The following SMG7 variants were observed in gnomAD, a reference collection of about 807,000 sequenced individuals.
SMG7 encodes the protein SMG7 nonsense mediated mRNA decay factor, also known as nonsense-mediated mRNA decay factor SMG7.
Under a neutral mutation model 148.2 loss-of-function variants are expected in SMG7, and 34 were observed. The ratio of observed to expected loss-of-function variants is 0.23; its 90% CI spans 0.17 to 0.31. The LOEUF (loss-of-function observed/expected upper bound fraction) is 0.31. SMG7 is among the 10% of genes least tolerant of loss of function. The pLI is 1.00. For missense variants in SMG7, 1,114 were observed against 1,408.4 expected, an observed-to-expected ratio of 0.79 and a Z score of 3.35; for synonymous variants, 492 against 515.1, an observed-to-expected ratio of 0.96 and a Z score of 0.61.
intron 1 of SMG7, among the ~76,000 whole-genome samples, chr1:183,477,333 A>G (rs189460652): frequency 6.6e-6 from 1 of 152,142 alleles, no homozygotes; most frequent in African/African-American, 2.4e-5. Flanking sequence ...AGTGAGATCC[A>G]CTTGAAGTGG....
chr1:183,524,974 A>G (rs1040293382), intron 4 of SMG7, among the ~76,000 whole-genome samples: 1 of 152,172 alleles, frequency 6.6e-6, no homozygotes, highest in Non-Finnish European at 1.5e-5. Flanking sequence ...CTCATGAAGG[A>G]AACATATTTT....
Position 183,549,785 on chromosome 1 carries a change from A to G in SMG7, c.2995A>G (p.Met999Val). ...TCAGGAAAGATACCCAAATAATAGT[A>G]TGTTCAATGAGGTATATGGGAAAAA... ...LNQERYPNNS[M>V]FNEVYGKNLT... Residue 999 changes from methionine to valine, a missense_variant, in exon 20 of 23, where the codon ATG becomes GTG. Physicochemically the swap from Met to Val is conservative, Grantham distance 21 (BLOSUM62 1). Transcript: ENST00000688051. The G allele has an allele frequency of 6.2e-7, 1 of 1,613,738 alleles. No individual in the cohort carries two copies. The highest frequency in any genetic ancestry group is 8.5e-7 in the Non-Finnish European group (1 of 1,179,702).
chr1:183,504,173 A>G (rs767099315), intron 1 of SMG7, among the ~76,000 whole-genome samples: 12 of 152,076 alleles, frequency 7.9e-5, no homozygotes, highest in South Asian at 2.1e-4. Context: ...CACCTTACCT[A>G]GAGTTCCTTA....
At chr1:183,495,645 C>T (rs1434988299) in intron 1 of SMG7, among the ~76,000 whole-genome samples, 7 of 151,972 alleles carry the variant, frequency 4.6e-5, no homozygotes, top group Non-Finnish European at 8.8e-5. Flanking sequence ...CCGAGTCGGG[C>T]GGATCATGAG....
intron 3 of SMG7, among the ~76,000 whole-genome samples, chr1:183,516,571 G>A (rs1368463282): frequency 1.3e-5 from 2 of 152,178 alleles, no homozygotes; most frequent in African/African-American, 4.8e-5. Flanking sequence ...ATTGTCTTTT[G>A]TGGAAGGCTT....
intron 1 of SMG7, among the ~76,000 whole-genome samples, chr1:183,489,838 C>T (rs754605634): frequency 6.6e-6 from 1 of 152,160 alleles, no homozygotes; most frequent in Non-Finnish European, 1.5e-5. Flanking sequence ...AGTGACCTAT[C>T]GAAAACGTGA....
At chr1:183,516,161 A>G in intron 3 of SMG7, 170 bp downstream of exon 3, 2 of 569,586 alleles carry the variant, frequency 3.5e-6, no homozygotes, top group Non-Finnish European at 6.3e-6. Context: ...TTTCAAATAC[A>G]GTCTTTGGAG....
rs1571685846 is a variant in SMG7 at position 183,472,999 on chromosome 1, G to A, written c.29+350G>A. The A allele has an allele frequency of 2.1e-4, 68 of 326,302 alleles. No homozygotes were observed. In the East Asian group the frequency reaches 3.3e-3, roughly 16 times the overall value. 20.2% of individuals were successfully genotyped at this position (326,302 alleles called of 1,614,324 possible). A position where few individuals can be genotyped will look rare whatever the true frequency, so the allele number is the denominator to read the frequency against. Reference sequence around the variant, plus strand: ...GGCGACCCCGAGTGGAGGTGGGTGTGGAGGAGTCTGATCCCCGTGGCAGGG... The same window carrying A: ...GGCGACCCCGAGTGGAGGTGGGTGTAGAGGAGTCTGATCCCCGTGGCAGGG... On this transcript the variant is annotated intron_variant, in intron 1 of 22. Coordinates refer to ENST00000688051, the MANE Select transcript of SMG7 (RefSeq NM_001375584.1).
chr1:183,529,375 G>A (rs1328736506), intron 7 of SMG7, 23 bp from the exon 8 acceptor site: 2 of 1,604,954 alleles, frequency 1.2e-6, no homozygotes. Flanking sequence ...TATGATTCAT[G>A]GAATTTTTTT....
At position 183,493,265 on chromosome 1, in the gene SMG7, A is replaced by G. The variant is rs542078483; in HGVS notation, c.30-19572A>G. ...GTTGAGATTACAGGTGTGAGCCACT[A>G]CACCCGGCAACCTATGATTATTTAG... On this transcript the variant is annotated intron_variant, in intron 1 of 22. Transcript: ENST00000688051. Among the ~76,000 whole-genome samples the G allele has an allele frequency of 5.9e-5, 9 of 152,268 alleles. No individual in the cohort carries two copies. The East Asian group carries it at 1.5e-3, about 26-fold the overall frequency.
At chr1:183,529,632 T>A in intron 8 of SMG7, 99 bp downstream of exon 8, 3 of 903,180 alleles carry the variant, frequency 3.3e-6, no homozygotes, top group Non-Finnish European at 5.1e-6. Context: ...CTTAACTGTG[T>A]GAACTATTGG....
chr1:183,516,073 A>G (rs1432914428), intron 3 of SMG7, 82 bp downstream of exon 3: 1 of 839,830 alleles, frequency 1.2e-6, no homozygotes, highest in East Asian at 2.6e-5. Context: ...TTCGTTATTT[A>G]TTTTTCAACC....
chr1:183,540,412 A>G (rs756894558), intron 12 of SMG7, among the ~76,000 whole-genome samples: 17 of 151,796 alleles, frequency 1.1e-4, no homozygotes, highest in South Asian at 2.1e-4. Flanking sequence ...CAATTCTTAA[A>G]TCTTCTTAAA....
intron 19 of SMG7, 129 bp from the exon 20 acceptor site, chr1:183,549,635 T>A: frequency 1.4e-6 from 1 of 740,258 alleles, no homozygotes; most frequent in Non-Finnish European, 2.3e-6. Context: ...CAAAAAGAAA[T>A]AAAAGCCTTC....
chr1:183,497,249 T>C (rs1658706191), intron 1 of SMG7, among the ~76,000 whole-genome samples: 1 of 152,226 alleles, frequency 6.6e-6, no homozygotes, highest in African/African-American at 2.4e-5. Context: ...CGCTCAAATG[T>C]CTGGGCCCTC....
chr1:183,524,406 C>T (rs1665408056), intron 4 of SMG7, among the ~76,000 whole-genome samples: 1 of 152,218 alleles, frequency 6.6e-6, no homozygotes, highest in Non-Finnish European at 1.5e-5. Flanking sequence ...CAGGCATGAG[C>T]TACCATGCCT....
At chr1:183,534,483 A>C (rs1667394337) in intron 10 of SMG7, among the ~76,000 whole-genome samples, 1 of 152,218 alleles carries the variant, frequency 6.6e-6, no homozygotes, top group African/African-American at 2.4e-5. Flanking sequence ...TTTAAGGAGA[A>C]TCTCTTTGAA....
At chr1:183,499,827 C>T (rs888393103) in intron 1 of SMG7, among the ~76,000 whole-genome samples, 1 of 152,078 alleles carries the variant, frequency 6.6e-6, no homozygotes, top group African/African-American at 2.4e-5. Flanking sequence ...AGTATCTACT[C>T]ATATTTTTGC....
Position 183,477,720 on chromosome 1 carries a change from ATG to A in SMG7, c.29+5075_29+5076del, listed in dbSNP as rs574238494. Among the ~76,000 whole-genome samples, 156 of 146,330 alleles carry A rather than the reference ATG, an allele frequency of 1.1e-3. 4 individuals carry two copies. The highest frequency in any genetic ancestry group is 3.9e-3 in the African/African-American group (147 of 37,408). On this transcript the variant is annotated intron_variant, in intron 1 of 22. Transcript: ENST00000688051. The stretch of plus-strand genomic sequence containing the variant: ...TATATATGCATATATACGTGTGTGC[ATG>A]TGTATATATGCATATATACATGTGT...
Sources: allele counts gnomAD v4.1 joint callset (sites outside exome capture counted in the v4.1 genomes callset), GRCh38; gene constraint gnomAD v4.1.1; transcripts MANE v1.5; gene names NCBI Gene and HGNC (gene_info 2026-07-23, HGNC 2026-07-21).